The following GPC5 variants were observed in gnomAD, a reference collection of about 807,000 sequenced individuals.
GPC5 encodes glypican 5.
Under a neutral mutation model 53.9 loss-of-function variants are expected in GPC5, and 47 were observed. The observed-to-expected ratio is 0.87, with a 90% confidence interval of 0.69 to 1.11. The LOEUF is 1.11. Among genes scored for constraint, GPC5 ranks in the 50% most tolerant of loss-of-function variants. The pLI is 0.00. For synonymous variants in GPC5, 286 were observed against 263.3 expected (o/e 1.09, Z -0.84); for missense variants, 748 against 713.1 (o/e 1.05, Z -0.56).
intron 7 of GPC5, among the ~76,000 whole-genome samples, chr13:92,171,106 G>T (rs547974061): frequency 3.0e-4 from 45 of 152,040 alleles, no homozygotes; most frequent in African/African-American, 1.0e-3. Context: ...CCTCAACTTT[G>T]TTCCACAAGA....
At chr13:91,930,361 T>C (rs1314806358) in intron 6 of GPC5, among the ~76,000 whole-genome samples, 1 of 152,088 alleles carries the variant, frequency 6.6e-6, no homozygotes, top group Non-Finnish European at 1.5e-5. Context: ...ATATAAAGCA[T>C]GGAATTCTTA....
intron 2 of GPC5, among the ~76,000 whole-genome samples, chr13:91,490,612 A>G (rs548643528): frequency 2.6e-5 from 4 of 152,338 alleles, no homozygotes; most frequent in African/African-American, 7.2e-5. Context: ...TTATGACCCA[A>G]CTTGCATTTT....
intron 6 of GPC5, among the ~76,000 whole-genome samples, chr13:92,071,008 C>G (rs1236328893): frequency 6.6e-6 from 1 of 152,052 alleles, no homozygotes; most frequent in African/African-American, 2.4e-5. Context: ...GAGGCTGAGG[C>G]GGGCGGATCA....
chr13:92,423,219 G>C (rs375027070), intron 7 of GPC5, among the ~76,000 whole-genome samples: 1 of 152,126 alleles, frequency 6.6e-6, no homozygotes, highest in African/African-American at 2.4e-5. Flanking sequence ...ATGCCATCAC[G>C]CTGAAGATTA....
chr13:92,283,483 T>C (rs1349499000), intron 7 of GPC5, among the ~76,000 whole-genome samples: 2 of 152,160 alleles, frequency 1.3e-5, no homozygotes, highest in Admixed American at 1.3e-4. Flanking sequence ...ATTGACCACA[T>C]AGTTGGAAGT....
At chr13:92,033,384 A>G (rs967875493) in intron 6 of GPC5, among the ~76,000 whole-genome samples, 29 of 152,278 alleles carry the variant, frequency 1.9e-4, no homozygotes, top group Non-Finnish European at 4.1e-4. Flanking sequence ...AATACAAGAT[A>G]TCTTACCTGA....
Position 91,971,340 on chromosome 13 carries a change from A to G in GPC5, c.1401+63283A>G, listed in dbSNP as rs532837360. Among the ~76,000 whole-genome samples the G allele has an allele frequency of 2.0e-5, 3 of 151,640 alleles. No homozygotes were observed. The South Asian group carries it at 6.3e-4, about 32-fold the overall frequency. On this transcript the variant is annotated intron_variant, in intron 6 of 7. Transcript: ENST00000377067. ...CCCTTTATCATTTTTTATTGCATCT[A>G]TTTGATTCTTCTCTCTTTTCTTCTT...
At chr13:91,684,176 C>CACTAAAGCCTGGAAA (rs2035570417) in intron 2 of GPC5, among the ~76,000 whole-genome samples, 1 of 152,056 alleles carries the variant, frequency 6.6e-6, no homozygotes, top group Non-Finnish European at 1.5e-5. Context: ...TTGCTGGTTA[C>CACTAAAGCCTGGAAA]TCTTCTTTTC....
At chr13:92,194,067 A>T (rs1376167864) in intron 7 of GPC5, among the ~76,000 whole-genome samples, 1 of 152,204 alleles carries the variant, frequency 6.6e-6, no homozygotes, top group Non-Finnish European at 1.5e-5. Flanking sequence ...GAAAGGAAAG[A>T]AGGGAGGAAG....
chr13:92,572,119 T>A (rs775228147), intron 7 of GPC5, among the ~76,000 whole-genome samples: 1 of 152,312 alleles, frequency 6.6e-6, no homozygotes, highest in East Asian at 1.9e-4. Context: ...AGATTATTGA[T>A]AAACTTTTAT....
chr13:92,678,942 A>C (rs1250445916), intron 7 of GPC5, among the ~76,000 whole-genome samples: 1 of 152,180 alleles, frequency 6.6e-6, no homozygotes, highest in Admixed American at 6.5e-5. Context: ...ATGGGATGTG[A>C]GTCAAATTTC....
chr13:91,831,451 T>C (rs1362214870), intron 5 of GPC5, among the ~76,000 whole-genome samples: 1 of 152,006 alleles, frequency 6.6e-6, no homozygotes, highest in African/African-American at 2.4e-5. Flanking sequence ...GGATTAATAC[T>C]TTGTATCCCT....
chr13:91,458,093 G>A (rs604383), intron 2 of GPC5, among the ~76,000 whole-genome samples: 140,150 of 152,168 alleles, frequency 0.92, 65,606 homozygotes, highest in East Asian at 1. Context: ...AATCAGGGAA[G>A]AAGTGGCATT....
At chr13:92,179,325 C>A (rs1376796307) in intron 7 of GPC5, among the ~76,000 whole-genome samples, 2 of 152,162 alleles carry the variant, frequency 1.3e-5, no homozygotes, top group African/African-American at 2.4e-5. Flanking sequence ...ATGAGCATGG[C>A]CCTCTTTTTC....
chr13:91,751,910 A>G (rs1376949716), intron 4 of GPC5, among the ~76,000 whole-genome samples: 3 of 152,184 alleles, frequency 2.0e-5, no homozygotes, highest in Non-Finnish European at 2.9e-5. Context: ...TAATTCCTAT[A>G]TGGGTTTGCT....
At position 92,443,131 on chromosome 13, in the gene GPC5, C is replaced by T. The variant is rs573565180; in HGVS notation, c.1561+298142C>T. On this transcript the variant is annotated intron_variant, in intron 7 of 7. Coordinates refer to ENST00000377067, the MANE Select transcript of GPC5 (RefSeq NM_004466.6). ...ATCATGATGGAAGGAGAAGGGGGAG[C>T]AGGCATGTCACATGGTGTGAGAGCA... 3.3e-5 allele frequency among the ~76,000 whole-genome samples: 5 copies of T among 152,244 alleles called. 1 individual carries two copies. The highest frequency in any genetic ancestry group is 1.2e-4 in the African/African-American group (5 of 41,536).
chr13:92,708,857 C>CTTTTTTTTTTTTTT lies in GPC5; in HGVS notation c.1562-157395_1562-157382dup, dbSNP rs752130758. Among the ~76,000 whole-genome samples the CTTTTTTTTTTTTTT allele has an allele frequency of 1.7e-3, 84 of 48,184 alleles. 32 individuals are homozygous for CTTTTTTTTTTTTTT. Among genetic ancestry groups the CTTTTTTTTTTTTTT allele is most frequent in the Non-Finnish European group, 2.8e-3 (69 of 24,284 alleles). The allele number at this position is 48,184 out of a possible 152,430, so 31.6% of individuals were successfully genotyped here. On this transcript the variant is annotated intron_variant, in intron 7 of 7. Transcript: ENST00000377067. ...CTAGCAGCATCTAGCTGGAAACCGC[C>CTTTTTTTTTTTTTT]TTTTTTTTTTTTTTTTTTTTTTTTT...
At chr13:91,600,789 G>C (rs1417861267) in intron 2 of GPC5, among the ~76,000 whole-genome samples, 1 of 151,974 alleles carries the variant, frequency 6.6e-6, no homozygotes, top group Non-Finnish European at 1.5e-5. Flanking sequence ...CTAAAGTTTT[G>C]TGTCTGTTAT....
In GPC5 at chr13:91,994,335, C is replaced by T. The variant is rs1473447006; in HGVS notation, c.1401+86278C>T. 2.6e-5 allele frequency among the ~76,000 whole-genome samples: 4 copies of T among 152,280 alleles called. No homozygotes were observed. In the East Asian group the frequency reaches 5.8e-4, roughly 22 times the overall value. ...TGTGCCTGACACGTTACTACTGCAT[C>T]ATCTAAGCTACAAATATATATGTTG... is the stretch of plus-strand genomic sequence containing the variant. On this transcript the variant is annotated intron_variant, in intron 6 of 7. Transcript: ENST00000377067.
Sources: allele counts gnomAD v4.1 joint callset (sites outside exome capture counted in the v4.1 genomes callset), GRCh38; gene constraint gnomAD v4.1.1; transcripts MANE v1.5; gene names NCBI Gene and HGNC (gene_info 2026-07-23, HGNC 2026-07-21).